The following CSMD1 variants were observed in gnomAD, a reference collection of about 807,000 sequenced individuals.
CSMD1 encodes the protein CUB and Sushi multiple domains 1.
A neutral mutation model predicts 417.5 loss-of-function variants in CSMD1; 213 were observed. The observed-to-expected ratio is 0.51, with a 90% confidence interval of 0.46 to 0.57. CSMD1 has a LOEUF of 0.57. Among genes scored for constraint, CSMD1 ranks in the 20% least tolerant of loss-of-function variants. The pLI is 0.00. For missense variants in CSMD1, 6,923 were observed against 4,529.7 expected, an observed-to-expected ratio of 1.53 and a Z score of -15.17; for synonymous variants, 2,862 against 1,736.8, an observed-to-expected ratio of 1.65 and a Z score of -16.11.
chr8:3,426,175 C>A (rs1173687711), intron 12 of CSMD1, among the ~76,000 whole-genome samples: 1 of 152,124 alleles, frequency 6.6e-6, no homozygotes, highest in Non-Finnish European at 1.5e-5. Flanking sequence ...ACAGTAGATA[C>A]AAAAGCAGAG....
chr8:4,933,717 G>C (rs1273809502), intron 1 of CSMD1, among the ~76,000 whole-genome samples: 1 of 152,198 alleles, frequency 6.6e-6, no homozygotes, highest in African/African-American at 2.4e-5. Flanking sequence ...ATGGATGAAT[G>C]CACAGATGGT....
At chr8:4,108,524 T>C (rs986815921) in intron 3 of CSMD1, among the ~76,000 whole-genome samples, 2 of 152,206 alleles carry the variant, frequency 1.3e-5, no homozygotes, top group African/African-American at 4.8e-5. Flanking sequence ...TTTGATAATT[T>C]ATTTGTAACC....
intron 10 of CSMD1, among the ~76,000 whole-genome samples, chr8:3,542,024 A>G (rs183563112): frequency 1.2e-4 from 19 of 152,232 alleles, no homozygotes; most frequent in Admixed American, 1.2e-3. Context: ...AAAAAAGGAA[A>G]AAATATTTGT....
chr8:3,431,160 ACT>A (rs1335700016), intron 12 of CSMD1, among the ~76,000 whole-genome samples: 1 of 151,984 alleles, frequency 6.6e-6, no homozygotes, highest in Non-Finnish European at 1.5e-5. Flanking sequence ...AACTCTATGG[ACT>A]CTCTATGGAA....
intron 1 of CSMD1, among the ~76,000 whole-genome samples, chr8:4,886,629 T>C (rs559932747): frequency 1.8e-4 from 27 of 152,102 alleles, no homozygotes; most frequent in African/African-American, 5.5e-4. Flanking sequence ...ATGCCTGGGG[T>C]TTCCATTGTG....
intron 1 of CSMD1, among the ~76,000 whole-genome samples, chr8:4,925,659 G>A (rs1024584483): frequency 6.6e-6 from 1 of 151,518 alleles, no homozygotes; most frequent in African/African-American, 2.4e-5. Flanking sequence ...CCATTCTCCT[G>A]CCTCAGCCTC....
intron 4 of CSMD1, among the ~76,000 whole-genome samples, chr8:4,026,401 T>C (rs1479567926): frequency 6.6e-6 from 1 of 152,204 alleles, no homozygotes; most frequent in Admixed American, 6.5e-5. Flanking sequence ...ATTTACCACA[T>C]GGGTGGCAGC....
rs531452689 is a variant in CSMD1, at chr8:3,845,783, AAT to A, written c.819-91743_819-91742del. ...GAACATACTTTGTACAGCTGTATAA[AAT>A]ATCTTATTTCTTTATATTTTTATTC... On this transcript the variant is annotated intron_variant, in intron 5 of 69. Transcript: ENST00000635120. 2.5e-4 allele frequency among the ~76,000 whole-genome samples: 38 copies of A among 152,250 alleles called. No individual in the cohort carries two copies. In the South Asian group the frequency reaches 7.5e-3, roughly 30 times the overall value.
chr8:4,065,053 A>C (rs1799174268), intron 3 of CSMD1, among the ~76,000 whole-genome samples: 1 of 152,246 alleles, frequency 6.6e-6, no homozygotes, highest in Non-Finnish European at 1.5e-5. Context: ...AATGTGCTAA[A>C]AATTACTGAT....
intron 5 of CSMD1, among the ~76,000 whole-genome samples, chr8:3,764,909 C>T (rs1798190295): frequency 6.6e-6 from 1 of 151,860 alleles, no homozygotes; most frequent in African/African-American, 2.4e-5. Context: ...CCACACCCAG[C>T]TCATTTTCGT....
At chr8:3,661,754 C>CCCAAAG in intron 7 of CSMD1, among the ~76,000 whole-genome samples, 1 of 152,264 alleles carries the variant, frequency 6.6e-6, no homozygotes, top group Non-Finnish European at 1.5e-5. Flanking sequence ...GCCCTGGCTT[C>CCCAAAG]CCAAAGTGCT....
intron 3 of CSMD1, among the ~76,000 whole-genome samples, chr8:4,116,450 TG>T (rs1802152812): frequency 3.4e-5 from 5 of 145,232 alleles, no homozygotes; most frequent in Non-Finnish European, 6.0e-5. Context: ...TGAGTGCAGG[TG>T]CCTGAATGGA....
intron 12 of CSMD1, among the ~76,000 whole-genome samples, chr8:3,451,660 G>C (rs1815726326): frequency 1.3e-5 from 2 of 152,022 alleles, no homozygotes; most frequent in Admixed American, 1.3e-4. Flanking sequence ...GCTCTGTTCT[G>C]TTCCATTGGT....
chr8:4,917,800 A>G (rs1806171906), intron 1 of CSMD1, among the ~76,000 whole-genome samples: 2 of 152,184 alleles, frequency 1.3e-5, no homozygotes, highest in Admixed American at 1.3e-4. Context: ...AAAGTGTTGC[A>G]AGATAGGAAC....
At chr8:3,086,917 C>A (rs1447977411) in intron 49 of CSMD1, among the ~76,000 whole-genome samples, 180 bp downstream of exon 49, 2 of 152,162 alleles carry the variant, frequency 1.3e-5, no homozygotes, top group Non-Finnish European at 2.9e-5. Flanking sequence ...TCAGGCTATA[C>A]AACTACATGT....
chr8:4,787,679 C>G, intron 1 of CSMD1: 1 of 1,590,450 alleles, frequency 6.3e-7, no homozygotes, highest in Non-Finnish European at 8.6e-7. Context: ...TAAGTTTACC[C>G]ACCTAAAGTG....
At chr8:3,508,064 A>C (rs922842870) in intron 10 of CSMD1, among the ~76,000 whole-genome samples, 3 of 152,058 alleles carry the variant, frequency 2.0e-5, no homozygotes, top group African/African-American at 7.3e-5. Context: ...TTGGTGTTTT[A>C]GACATGAGGT....
chr8:3,403,274 C>T (rs1175558033), intron 15 of CSMD1, among the ~76,000 whole-genome samples: 2 of 152,162 alleles, frequency 1.3e-5, no homozygotes, highest in African/African-American at 2.4e-5. Flanking sequence ...AGTTTGTTAT[C>T]TGTATTACTC....
chr8:4,087,501 T>C (rs550849922), intron 3 of CSMD1, among the ~76,000 whole-genome samples: 1 of 152,218 alleles, frequency 6.6e-6, no homozygotes, highest in African/African-American at 2.4e-5. Flanking sequence ...TGAAACCTAT[T>C]ATTTTTATCC....
Sources: gnomAD v4.1 joint callset for allele counts (sites outside exome capture counted in the v4.1 genomes callset) on GRCh38, gnomAD v4.1.1 for gene constraint, MANE v1.5 for transcripts, NCBI Gene and HGNC (gene_info 2026-07-23, HGNC 2026-07-21) for gene names.